The following PRKAR1B variants were observed in gnomAD, a reference collection of about 807,000 sequenced individuals.
PRKAR1B encodes the protein cAMP-dependent protein kinase type I-beta regulatory subunit.
In PRKAR1B, 22 loss-of-function variants were observed where a neutral mutation model predicts 46.5. The observed-to-expected ratio is 0.47, with a 90% CI of 0.34 to 0.68. The LOEUF (loss-of-function observed/expected upper bound fraction) is 0.68, where lower values mean the gene tolerates loss of function less well. Ranked by LOEUF, PRKAR1B falls within the 30% of genes least tolerant of loss-of-function variation. The pLI, the probability that PRKAR1B is intolerant of heterozygous loss-of-function variation, is 0.01. For synonymous variants in PRKAR1B, 259 were observed against 217.7 expected, an observed-to-expected ratio of 1.19 and a Z score of -1.67; for missense variants, 445 against 535.6, an observed-to-expected ratio of 0.83 and a Z score of 1.67.
At chr7:726,917 C>T (rs1781322407) in intron 1 of PRKAR1B, 2 of 1,346,680 alleles carry the variant, frequency 1.5e-6, no homozygotes, top group South Asian at 1.7e-5. Context: ...GCCGCCGACC[C>T]CACCGCTTTC....
At chr7:620,353 G>A (rs997270606) in intron 4 of PRKAR1B, among the ~76,000 whole-genome samples, 2 of 152,128 alleles carry the variant, frequency 1.3e-5, no homozygotes, top group African/African-American at 4.8e-5. Context: ...CCTCCCTAGA[G>A]TCTTCTGTAA....
At chr7:624,124 A>G (rs1783254041) in intron 4 of PRKAR1B, among the ~76,000 whole-genome samples, 1 of 152,214 alleles carries the variant, frequency 6.6e-6, no homozygotes, top group Non-Finnish European at 1.5e-5. Flanking sequence ...GGTGACAGCA[A>G]ACTTTTATCT....
intron 2 of PRKAR1B, among the ~76,000 whole-genome samples, chr7:685,483 G>C (rs1779047783): frequency 6.8e-6 from 1 of 146,624 alleles, no homozygotes; most frequent in South Asian, 2.2e-4. Flanking sequence ...ATAGAAACTT[G>C]TCAGAAATAA....
intron 2 of PRKAR1B, among the ~76,000 whole-genome samples, chr7:681,213 G>GC (rs1319305764): frequency 1.3e-5 from 2 of 151,440 alleles, no homozygotes; most frequent in Admixed American, 6.6e-5. Flanking sequence ...GTTTCCTGAG[G>GC]CCCCCCGAGC....
rs548486765 is a variant in PRKAR1B, at chr7:555,130, C to A, written c.892-3660G>T. ...AGAAACTCCTGGAAACATCCCCTCA[C>A]TCCTCATTGGCCAGAGAGGGTCTCA... On this transcript the variant is annotated intron_variant, in intron 9 of 10. Coordinates refer to ENST00000537384, the MANE Select transcript of PRKAR1B (RefSeq NM_001164760.2). 3.3e-5 allele frequency among the ~76,000 whole-genome samples: 5 copies of A among 152,118 alleles called. No homozygotes were observed. In the South Asian group the frequency reaches 1.0e-3, roughly 32 times the overall value.
chr7:715,164 C>T (rs764384823), intron 1 of PRKAR1B, among the ~76,000 whole-genome samples: 1 of 152,262 alleles, frequency 6.6e-6, no homozygotes, highest in East Asian at 1.9e-4. Context: ...AAAGAGCGAA[C>T]GAAACTCCGT....
chr7:609,887 C>T (rs1405841284), intron 4 of PRKAR1B, among the ~76,000 whole-genome samples: 2 of 152,068 alleles, frequency 1.3e-5, no homozygotes, highest in East Asian at 1.9e-4. Flanking sequence ...ACTACAGGCA[C>T]GTGCCACCAC....
At chr7:728,218 A>G (rs900428382), upstream of PRKAR1B, among the ~76,000 whole-genome samples, 10 of 152,176 alleles carry the variant, frequency 6.6e-5, no homozygotes, top group South Asian at 2.1e-4. Flanking sequence ...ATGTGGAATG[A>G]TAGCAGGCGC....
intron 4 of PRKAR1B, among the ~76,000 whole-genome samples, chr7:676,620 G>A (rs576622826): frequency 8.5e-5 from 13 of 152,316 alleles, no homozygotes; most frequent in South Asian, 2.1e-4. Context: ...GACTCAGCTC[G>A]GCAGCAGGGC....
intron 9 of PRKAR1B, among the ~76,000 whole-genome samples, chr7:555,298 G>A (rs915179475): frequency 2.0e-5 from 3 of 152,152 alleles, no homozygotes; most frequent in Non-Finnish European, 2.9e-5. Context: ...CTGCTGTGCC[G>A]ACTGCTCCCG....
chr7:691,301 T>C (rs1779412187), intron 2 of PRKAR1B, among the ~76,000 whole-genome samples: 1 of 152,186 alleles, frequency 6.6e-6, no homozygotes, highest in Admixed American at 6.5e-5. Context: ...ATCCGTGAAA[T>C]GAGCCTGCAG....
chr7:639,099 A>T (rs1470855163), intron 4 of PRKAR1B, among the ~76,000 whole-genome samples: 2 of 151,170 alleles, frequency 1.3e-5, no homozygotes, highest in Non-Finnish European at 3.0e-5. Flanking sequence ...TAAAAATTTT[A>T]AAAAATGAAA....
intron 2 of PRKAR1B, among the ~76,000 whole-genome samples, chr7:705,535 T>C (rs1228896725): frequency 7.2e-5 from 11 of 152,162 alleles, no homozygotes; most frequent in African/African-American, 2.7e-4. Flanking sequence ...CACTACTAAA[T>C]ATTTACTCAA....
At chr7:673,055 A>AAAAC (rs1270145320) in intron 4 of PRKAR1B, among the ~76,000 whole-genome samples, 1 of 128,912 alleles carries the variant, frequency 7.8e-6, no homozygotes, top group East Asian at 2.1e-4. Flanking sequence ...TAAAAAAAAA[A>AAAAC]AAAAAAAAAA....
At position 593,781 on chromosome 7, in the gene PRKAR1B, G is replaced by C. The variant is rs1286487101; in HGVS notation, c.708+2365C>G. Among the ~76,000 whole-genome samples the C allele has an allele frequency of 6.6e-6, 1 of 152,206 alleles. No individual in the cohort carries two copies. Among genetic ancestry groups the C allele is most frequent in the East Asian group, 1.9e-4 (1 of 5,190 alleles). ...CCTCCCAGGAGGCTGCACATCATCT[G>C]TTCTGTGTACTGGAGTATCCCCAGC... On this transcript the variant is annotated intron_variant, in intron 7 of 10. Transcript: ENST00000537384. The surrounding 1 kb of genome is among the most constrained non-coding windows in gnomAD (Gnocchi z 6.1).
chr7:606,149 T>A, intron 6 of PRKAR1B, 44 bp downstream of exon 6: 1 of 1,606,064 alleles, frequency 6.2e-7, no homozygotes, highest in Non-Finnish European at 8.5e-7. Flanking sequence ...ACACCGGACA[T>A]GCAAAGACGC....
At chr7:680,106 T>C (rs1003857517) in intron 3 of PRKAR1B, among the ~76,000 whole-genome samples, 3 of 144,112 alleles carry the variant, frequency 2.1e-5, no homozygotes, top group Non-Finnish European at 4.5e-5. Context: ...TGCAGTGAGC[T>C]GAGATCGCAC....
chr7:665,972 T>C (rs1363634245), intron 4 of PRKAR1B, among the ~76,000 whole-genome samples: 1 of 152,204 alleles, frequency 6.6e-6, no homozygotes, highest in Admixed American at 6.6e-5. Context: ...AGCAGAGAGC[T>C]GGAGCCACTG....
chr7:593,179 C>T lies in PRKAR1B; in HGVS notation c.708+2967G>A, dbSNP rs374390860. On this transcript the variant is annotated intron_variant, in intron 7 of 10. Coordinates refer to ENST00000537384, the MANE Select transcript of PRKAR1B (RefSeq NM_001164760.2). This position sits in a 1 kb window ranked among gnomAD's most constrained non-coding sequence, Gnocchi z 6.1. ...AACGTGAAGCGGTGGAGGAAAGAGA[C>T]GGGCATCAGGGAGTCTCCCAGATCA... 1.3e-5 allele frequency among the ~76,000 whole-genome samples: 2 copies of T among 152,142 alleles called. No individual in the cohort carries two copies. Among genetic ancestry groups the T allele is most frequent in the Non-Finnish European group, 2.9e-5 (2 of 68,020 alleles).
Sources: gnomAD v4.1 joint callset for allele counts (sites outside exome capture counted in the v4.1 genomes callset) on GRCh38, gnomAD v4.1.1 for gene constraint, Gnocchi (gnomAD v3.1) non-coding constraint, MANE v1.5 for transcripts, NCBI Gene and HGNC (gene_info 2026-07-23, HGNC 2026-07-21) for gene names.